The following CEMIP2 variants were observed in gnomAD, a reference collection of about 807,000 sequenced individuals.
CEMIP2 encodes the protein cell surface hyaluronidase CEMIP2.
Under a neutral mutation model 146.9 loss-of-function variants are expected in CEMIP2, and 79 were observed. The ratio of observed to expected loss-of-function variants is 0.54; its 90% CI spans 0.45 to 0.65. The LOEUF (loss-of-function observed/expected upper bound fraction) is 0.65. Ranked by LOEUF, CEMIP2 falls within the 30% of genes least tolerant of loss-of-function variation. The pLI is 0.00. For missense variants in CEMIP2, 1,596 were observed against 1,696.2 expected (o/e 0.94, Z 1.04); for synonymous variants, 601 against 606.3 (o/e 0.99, Z 0.13).
intron 2 of CEMIP2, among the ~76,000 whole-genome samples, chr9:71,749,516 G>A (rs1190568584): frequency 2.0e-5 from 3 of 151,872 alleles, no homozygotes; most frequent in Admixed American, 1.3e-4. Context: ...GACCAGCCTG[G>A]CCAACATGGT....
At chr9:71,760,237 G>A (rs1333675358) in intron 1 of CEMIP2, among the ~76,000 whole-genome samples, 1 of 152,106 alleles carries the variant, frequency 6.6e-6, no homozygotes, top group African/African-American at 2.4e-5. Context: ...AATAAGAAAT[G>A]CCTATGGTCT....
chr9:71,702,515 T>C (rs1424956140), intron 18 of CEMIP2, among the ~76,000 whole-genome samples: 4 of 152,086 alleles, frequency 2.6e-5, no homozygotes, highest in Non-Finnish European at 4.4e-5. Flanking sequence ...GAATGTACTA[T>C]ATATGTTTAC....
chr9:71,687,572 T>G (rs1350969870), intron 22 of CEMIP2: 3 of 152,106 alleles, frequency 2.0e-5, no homozygotes, highest in Non-Finnish European at 2.9e-5. Flanking sequence ...CTCATGCCTT[T>G]AATTTCAGCA....
intron 10 of CEMIP2, among the ~76,000 whole-genome samples, chr9:71,729,543 C>T (rs1823550014): frequency 6.6e-6 from 1 of 151,366 alleles, no homozygotes; most frequent in African/African-American, 2.4e-5. Flanking sequence ...GGCGTGAACC[C>T]GGGGGGTGGA....
chr9:71,746,596 C>CAAAAAAAAAAAAA (rs5898226), intron 2 of CEMIP2, among the ~76,000 whole-genome samples: 1 of 75,180 alleles, frequency 1.3e-5, no homozygotes, highest in African/African-American at 5.4e-5. Context: ...CAAACTTCAC[C>CAAAAAAAAAAAAA]AAAAAAAAAA....
chr9:71,708,961 G>A (rs552066242), intron 17 of CEMIP2, among the ~76,000 whole-genome samples: 1 of 152,260 alleles, frequency 6.6e-6, no homozygotes, highest in African/African-American at 2.4e-5. Context: ...AGAAACATGG[G>A]TTCTTGTCCC....
intron 14 of CEMIP2, among the ~76,000 whole-genome samples, chr9:71,715,625 G>GATATATATATATATATATATATATATAT (rs71790721): frequency 3.4e-5 from 4 of 119,068 alleles, no homozygotes; most frequent in African/African-American, 1.1e-4. Context: ...TCCCTCTTAA[G>GATATATATATATATATATATATATATAT]ATATATATAT....
At chr9:71,695,634 A>G (rs1822376798) in intron 20 of CEMIP2, among the ~76,000 whole-genome samples, 1 of 152,134 alleles carries the variant, frequency 6.6e-6, no homozygotes, top group South Asian at 2.1e-4. Flanking sequence ...AGATCGTACC[A>G]CTGCTCTCTA....
At position 71,743,475 on chromosome 9, in the gene CEMIP2, A is replaced by G. The variant is rs1409260160; in HGVS notation, c.1034+1543T>C. The stretch of plus-strand genomic sequence containing the variant: ...AAACCCTTTGAGGTTTTGCACATGG[A>G]ATTCCCTTGGTCTGAAAAAGCTTTC... On this transcript the variant is annotated intron_variant, in intron 4 of 23. Coordinates refer to ENST00000377044, the MANE Select transcript of CEMIP2 (RefSeq NM_013390.3). 3.3e-5 allele frequency among the ~76,000 whole-genome samples: 5 copies of G among 152,174 alleles called. No individual in the cohort carries two copies. The East Asian group carries it at 9.6e-4, about 29-fold the overall frequency.
chr9:71,739,400 CT>C (rs544885586), intron 5 of CEMIP2, among the ~76,000 whole-genome samples: 11 of 98,264 alleles, frequency 1.1e-4, no homozygotes, highest in African/African-American at 2.7e-4. Flanking sequence ...AAGATGACTA[CT>C]TTTTTTTTAG....
rs762703028 is a variant in CEMIP2 at position 71,709,255 on chromosome 9, C to T, written c.2985+4G>A. ...CTTGAGCATTATACATTTGCTAAGC[C>T]TACCTGTGCATAGGTCCCACTGCAG... On this transcript the variant is annotated splice_donor_region_variant and intron_variant, in intron 17 of 23. Coordinates refer to ENST00000377044, the MANE Select transcript of CEMIP2 (RefSeq NM_013390.3). The T allele has an allele frequency of 6.2e-7, 1 of 1,614,078 alleles. No individual in the cohort carries two copies. Among genetic ancestry groups the T allele is most frequent in the Non-Finnish European group, 8.5e-7 (1 of 1,179,918 alleles).
chr9:71,738,511 T>A (rs551935668), intron 5 of CEMIP2, among the ~76,000 whole-genome samples: 1 of 119,882 alleles, frequency 8.3e-6, no homozygotes, highest in African/African-American at 2.5e-5. Flanking sequence ...CAAGACTCCA[T>A]CTCAAAAAAA....
intron 22 of CEMIP2, chr9:71,686,223 C>T: frequency 5.5e-6 from 1 of 183,328 alleles, no homozygotes; most frequent in Non-Finnish European, 1.2e-5. Context: ...ACTTGCATTA[C>T]AGCCTGAGCT....
intron 12 of CEMIP2, among the ~76,000 whole-genome samples, chr9:71,720,309 G>A (rs184813958): frequency 7.2e-4 from 110 of 152,172 alleles, no homozygotes; most frequent in African/African-American, 2.5e-3. Context: ...TTGTTTTTTT[G>A]AGATGGAGTC....
At chr9:71,749,911 G>A (rs979548419) in intron 2 of CEMIP2, 132 bp downstream of exon 2, 12 of 681,682 alleles carry the variant, frequency 1.8e-5, no homozygotes, top group African/African-American at 5.4e-5. Flanking sequence ...CATAAGAAGT[G>A]ACACCTCGTA....
intron 1 of CEMIP2, among the ~76,000 whole-genome samples, chr9:71,766,360 A>C (rs1342638872): frequency 6.6e-6 from 1 of 152,154 alleles, no homozygotes; most frequent in African/African-American, 2.4e-5. Context: ...GGCGTGAGCC[A>C]ATTGTGCCCG....
At chr9:71,728,271 A>ATATACACG (rs1165222526) in intron 10 of CEMIP2, among the ~76,000 whole-genome samples, 3 of 11,268 alleles carry the variant, frequency 2.7e-4, no homozygotes, top group Non-Finnish European at 8.7e-4. Flanking sequence ...GTATATATAT[A>ATATACACG]TATATATATG....
In CEMIP2 at chr9:71,722,649, T is replaced by G. The variant is rs533688994; in HGVS notation, c.2179-134A>C. 3.4e-4 allele frequency: 181 copies of G among 530,530 alleles called. 3 individuals are homozygous for G. The East Asian group carries it at 5.1e-3, about 15-fold the overall frequency. The allele number at this position is 530,530 out of a possible 1,614,324, so 32.9% of individuals were successfully genotyped here. Reference sequence around the variant, plus strand: ...TGGGGCAGGGAATCAACAGCAAAGGTACTGTAAAAAAAAAAAAAACAGCTA... The same window carrying G: ...TGGGGCAGGGAATCAACAGCAAAGGGACTGTAAAAAAAAAAAAAACAGCTA... On this transcript the variant is annotated intron_variant, in intron 11 of 23. Coordinates refer to ENST00000377044, the MANE Select transcript of CEMIP2 (RefSeq NM_013390.3).
chr9:71,701,053 A>G (rs1822545562), intron 18 of CEMIP2, among the ~76,000 whole-genome samples: 1 of 152,114 alleles, frequency 6.6e-6, no homozygotes, highest in South Asian at 2.1e-4. Context: ...TTCTCATATC[A>G]ATAGATATAC....
Sources: gnomAD v4.1 joint callset for allele counts (sites outside exome capture counted in the v4.1 genomes callset) on GRCh38, gnomAD v4.1.1 for gene constraint, MANE v1.5 for transcripts, NCBI Gene and HGNC (gene_info 2026-07-23, HGNC 2026-07-21) for gene names.